Variants in ZNF385D observed in about 807,000 individuals in gnomAD.
The protein encoded by ZNF385D is zinc finger protein 659.
In ZNF385D, 15 loss-of-function variants were observed where a neutral mutation model predicts 35.8. That is an observed-to-expected ratio of 0.42 (90% CI 0.28 to 0.64). ZNF385D has a LOEUF of 0.64. ZNF385D is among the 30% of genes least tolerant of loss of function. The pLI is 0.23. For synonymous variants in ZNF385D, 212 were observed against 186.8 expected (o/e 1.13, Z -1.10); for missense variants, 474 against 494.6 (o/e 0.96, Z 0.39).
chr3:21,978,736 G>A (rs1466794634), intron 3 of ZNF385D, among the ~76,000 whole-genome samples: 2 of 151,804 alleles, frequency 1.3e-5, no homozygotes, highest in Admixed American at 6.6e-5. Context: ...TAAGCAAATT[G>A]GCAAATTAAC....
intron 2 of ZNF385D, among the ~76,000 whole-genome samples, chr3:22,194,497 C>A (rs1358989726): frequency 6.6e-6 from 1 of 151,770 alleles, no homozygotes; most frequent in Non-Finnish European, 1.5e-5. Context: ...TTATATCTTT[C>A]TTCTTTAATC....
chr3:22,096,188 C>A (rs1029933488), intron 3 of ZNF385D, among the ~76,000 whole-genome samples: 1 of 151,770 alleles, frequency 6.6e-6, no homozygotes, highest in Non-Finnish European at 1.5e-5. Context: ...GAGAAGGAGA[C>A]AAGGGTTGAA....
chr3:22,021,526 T>C (rs1697223488), intron 3 of ZNF385D, among the ~76,000 whole-genome samples: 1 of 152,066 alleles, frequency 6.6e-6, no homozygotes, highest in South Asian at 2.1e-4. Flanking sequence ...ATTTATGCCT[T>C]TGAGTAAGTT....
intron 3 of ZNF385D, among the ~76,000 whole-genome samples, chr3:22,042,819 C>A (rs751853435): frequency 6.6e-6 from 1 of 152,174 alleles, no homozygotes; most frequent in Admixed American, 6.5e-5. Context: ...ACTCTCATGC[C>A]TGATCTCGAC....
In ZNF385D at chr3:21,664,901, G is replaced by T. The variant is rs2066357404; in HGVS notation, c.150C>A (p.Phe50Leu). The change falls in exon 2 of 8, where the codon TTC becomes TTA. Residue 50 changes from phenylalanine (F) to leucine (L), a missense_variant. Coordinates refer to ENST00000281523, the MANE Select transcript of ZNF385D (RefSeq NM_024697.3). ...AGGTACTTACCGCATTGAAATTGGGGAAGAGGTTGACTGCAGCTGCAGTGT... is the reference window on the plus strand; with the variant it reads ...AGGTACTTACCGCATTGAAATTGGGTAAGAGGTTGACTGCAGCTGCAGTGT... ...PLDTAAAVNL[F>L]PNFNAMDPIQ... The T allele has an allele frequency of 1.2e-6, 2 of 1,613,608 alleles. No individual in the cohort carries two copies. Among genetic ancestry groups the T allele is most frequent in the Admixed American group, 3.3e-5 (2 of 59,976 alleles).
At chr3:22,090,697 T>C (rs527245601) in intron 3 of ZNF385D, among the ~76,000 whole-genome samples, 4 of 152,236 alleles carry the variant, frequency 2.6e-5, no homozygotes, top group South Asian at 2.1e-4. Context: ...AGGGTACCAA[T>C]TGAAAAAGAA....
intron 4 of ZNF385D, among the ~76,000 whole-genome samples, chr3:21,454,985 A>G (rs1325722903): frequency 3.9e-5 from 6 of 152,200 alleles, no homozygotes; most frequent in Non-Finnish European, 7.3e-5. Flanking sequence ...CCCATTCACA[A>G]TTGCTTCAAA....
At chr3:22,344,225 G>C (rs1438722593) in intron 2 of ZNF385D, among the ~76,000 whole-genome samples, 1 of 147,062 alleles carries the variant, frequency 6.8e-6, no homozygotes, top group Non-Finnish European at 1.5e-5. Context: ...TGACCAGGAA[G>C]TATCATAATC....
chr3:21,665,902 T>A lies in ZNF385D; in HGVS notation c.23-874A>T, dbSNP rs150379118. On this transcript the variant is annotated intron_variant, in intron 1 of 7. Coordinates refer to ENST00000281523, the MANE Select transcript of ZNF385D (RefSeq NM_024697.3). Reference sequence around the variant, plus strand: ...AATTTGCTGTTAATTAAAGGCTGTTTGAATCCTAGGAAACTGTTAAAATAT... The same window carrying A: ...AATTTGCTGTTAATTAAAGGCTGTTAGAATCCTAGGAAACTGTTAAAATAT... Among the ~76,000 whole-genome samples, 354 of 152,348 alleles carry A rather than the reference T, an allele frequency of 2.3e-3. 18 individuals carry two copies. The East Asian group carries it at 0.055, about 24-fold the overall frequency.
chr3:21,617,918 A>G (rs6550615), intron 2 of ZNF385D, among the ~76,000 whole-genome samples: 91,739 of 151,846 alleles, frequency 0.6, 28,815 homozygotes, highest in African/African-American at 0.77. Flanking sequence ...AACCCTTAAA[A>G]CCCCTTCCAG....
chr3:22,170,481 A>G (rs1694335451), intron 2 of ZNF385D, among the ~76,000 whole-genome samples: 1 of 152,204 alleles, frequency 6.6e-6, no homozygotes, highest in Admixed American at 6.5e-5. Flanking sequence ...CCAAATTCCA[A>G]AATGAGTAAA....
chr3:21,999,855 A>G (rs757479140), intron 3 of ZNF385D, among the ~76,000 whole-genome samples: 22 of 152,294 alleles, frequency 1.4e-4, no homozygotes, highest in Admixed American at 5.9e-4. Flanking sequence ...AAATGACCAC[A>G]TATTCTAATT....
At chr3:21,759,339 G>C (rs957565782) in intron 3 of ZNF385D, among the ~76,000 whole-genome samples, 2 of 147,360 alleles carry the variant, frequency 1.4e-5, no homozygotes, top group Non-Finnish European at 2.9e-5. Flanking sequence ...GTGTCTGGGA[G>C]ACCAAGGACA....
At chr3:22,050,032 T>G (rs945961203) in intron 3 of ZNF385D, among the ~76,000 whole-genome samples, 1 of 152,152 alleles carries the variant, frequency 6.6e-6, no homozygotes, top group East Asian at 1.9e-4. Context: ...CCTCTTTAAT[T>G]TTTTGGAGCA....
intron 2 of ZNF385D, among the ~76,000 whole-genome samples, chr3:21,609,712 C>T (rs936768587): frequency 6.6e-6 from 1 of 152,172 alleles, no homozygotes; most frequent in Non-Finnish European, 1.5e-5. Flanking sequence ...GCCAATAATA[C>T]TTATCTCTGG....
chr3:22,250,263 A>G (rs1271968236), intron 2 of ZNF385D, among the ~76,000 whole-genome samples: 2 of 152,102 alleles, frequency 1.3e-5, no homozygotes, highest in Admixed American at 6.6e-5. Flanking sequence ...GTTGTATTCT[A>G]TCTTTTTAAA....
upstream of ZNF385D, among the ~76,000 whole-genome samples, chr3:21,754,914 T>C (rs1474297900): frequency 6.6e-6 from 1 of 152,228 alleles, no homozygotes; most frequent in African/African-American, 2.4e-5. Flanking sequence ...GTGTAAGACA[T>C]CATACTTTTC....
intron 2 of ZNF385D, among the ~76,000 whole-genome samples, chr3:22,280,749 C>A (rs947522144): frequency 6.6e-6 from 1 of 151,988 alleles, no homozygotes. Context: ...GCTATGCAGG[C>A]ACTTTTTTGG....
At chr3:21,979,080 A>T (rs1380392547) in intron 3 of ZNF385D, among the ~76,000 whole-genome samples, 1 of 152,146 alleles carries the variant, frequency 6.6e-6, no homozygotes, top group African/African-American at 2.4e-5. Flanking sequence ...AGTTGTGACT[A>T]TCTCCAGTAC....
Sources: gnomAD v4.1 joint callset for allele counts (sites outside exome capture counted in the v4.1 genomes callset) on GRCh38, gnomAD v4.1.1 for gene constraint, MANE v1.5 for transcripts, NCBI Gene and HGNC (gene_info 2026-07-23, HGNC 2026-07-21) for gene names.